TUSC3: variants seen among roughly 807,000 people sequenced by gnomAD.
The protein encoded by TUSC3 is tumor suppressor candidate 3.
Under a neutral mutation model 44.8 loss-of-function variants are expected in TUSC3, and 45 were observed. The ratio of observed to expected loss-of-function variants is 1.00; its 90% CI spans 0.79 to 1.29. The LOEUF (loss-of-function observed/expected upper bound fraction) is 1.29. Ranked by LOEUF, TUSC3 falls within the 50% of genes most tolerant of loss-of-function variation. The pLI is 0.00. For missense variants in TUSC3, 519 were observed against 437.9 expected, an observed-to-expected ratio of 1.19 and a Z score of -1.65; for synonymous variants, 212 against 152.9, an observed-to-expected ratio of 1.39 and a Z score of -2.85.
chr8:15,780,792 G>A, the TUSC3 span, among the ~76,000 whole-genome samples: 1 of 152,116 alleles, frequency 6.6e-6, no homozygotes, highest in East Asian at 1.9e-4. Flanking sequence ...CCACCTGAGG[G>A]GCTAGCTGCA....
intron 1 of TUSC3, among the ~76,000 whole-genome samples, chr8:15,552,457 T>G (rs1011998067): frequency 6.6e-6 from 1 of 151,592 alleles, no homozygotes; most frequent in Admixed American, 6.6e-5. Flanking sequence ...ATATAAGAAG[T>G]CAATAAACTG....
Position 15,540,420 on chromosome 8 carries a change from G to A in TUSC3, c.-11G>A, listed in dbSNP as rs759469269. The A allele has an allele frequency of 8.9e-6, 14 of 1,575,566 alleles. No individual in the cohort carries two copies. Among genetic ancestry groups the A allele is most frequent in the Middle Eastern group, 1.9e-4 (1 of 5,214 alleles). Reference sequence around the variant, plus strand: ...GGCTACCGCGCGTGGAGGAGACACTGCCCTGCCGCGATGGGGGCCCGGGGC... The same window carrying A: ...GGCTACCGCGCGTGGAGGAGACACTACCCTGCCGCGATGGGGGCCCGGGGC... On this transcript the variant is annotated 5_prime_UTR_variant, in exon 1 of 11. Transcript: ENST00000503731.
the TUSC3 span, among the ~76,000 whole-genome samples, chr8:15,824,362 T>C: frequency 2.6e-5 from 4 of 152,158 alleles, no homozygotes; most frequent in South Asian, 2.1e-4. Flanking sequence ...TGGCAAGGTA[T>C]GAATATCAAC....
chr8:15,605,787 T>G (rs1250417921), intron 1 of TUSC3, among the ~76,000 whole-genome samples: 1 of 151,962 alleles, frequency 6.6e-6, no homozygotes, highest in Non-Finnish European at 1.5e-5. Context: ...TTGAGGGAAA[T>G]GTAAACAAAC....
intron 6 of TUSC3, among the ~76,000 whole-genome samples, chr8:15,699,735 T>A (rs1563179856): frequency 6.6e-6 from 1 of 152,174 alleles, no homozygotes; most frequent in Non-Finnish European, 1.5e-5. Context: ...TTAGTGCCCT[T>A]TACAAAGAGT....
intron 1 of TUSC3, among the ~76,000 whole-genome samples, chr8:15,462,582 G>A (rs1273817185): frequency 6.6e-6 from 1 of 152,026 alleles, no homozygotes; most frequent in Non-Finnish European, 1.5e-5. Context: ...CTGCCTTAAA[G>A]TGCACTATTT....
chr8:15,434,756 G>T (rs1255835504), intron 1 of TUSC3, among the ~76,000 whole-genome samples: 1 of 151,622 alleles, frequency 6.6e-6, no homozygotes, highest in Middle Eastern at 3.4e-3. Flanking sequence ...TCATTGTTCA[G>T]TTCCCACCTG....
At chr8:15,594,754 C>A (rs1029658613) in intron 1 of TUSC3, among the ~76,000 whole-genome samples, 1 of 152,154 alleles carries the variant, frequency 6.6e-6, no homozygotes, top group Admixed American at 6.5e-5. Context: ...GTTCGCTGCA[C>A]ACTAGTTATC....
intron 6 of TUSC3, among the ~76,000 whole-genome samples, chr8:15,721,860 T>C (rs942614107): frequency 1.3e-5 from 2 of 152,030 alleles, no homozygotes; most frequent in South Asian, 2.1e-4. Flanking sequence ...TTGGAAAATA[T>C]AGTAGAATGA....
At chr8:15,810,262 A>G in the TUSC3 span, among the ~76,000 whole-genome samples, 1 of 152,168 alleles carries the variant, frequency 6.6e-6, no homozygotes, top group Non-Finnish European at 1.5e-5. Flanking sequence ...TTGTAGCTAA[A>G]GAACCCCTGG....
At chr8:15,834,730 T>C in the TUSC3 span, among the ~76,000 whole-genome samples, 1 of 152,198 alleles carries the variant, frequency 6.6e-6, no homozygotes, top group Non-Finnish European at 1.5e-5. Flanking sequence ...GTTTTTCTGG[T>C]AATTTATTTA....
intron 6 of TUSC3, among the ~76,000 whole-genome samples, chr8:15,718,422 CATTT>C (rs1810148069): frequency 6.6e-6 from 1 of 152,028 alleles, no homozygotes; most frequent in African/African-American, 2.4e-5. Context: ...AGAATATTGA[CATTT>C]ATGTGTACAG....
the TUSC3 span, among the ~76,000 whole-genome samples, chr8:15,802,664 T>C: frequency 7.9e-6 from 1 of 126,254 alleles, no homozygotes; most frequent in African/African-American, 2.5e-5. Flanking sequence ...ACAGGATTAA[T>C]TACTTTTTTT....
At chr8:15,696,466 G>C (rs1215642749) in intron 6 of TUSC3, among the ~76,000 whole-genome samples, 1 of 152,184 alleles carries the variant, frequency 6.6e-6, no homozygotes, top group Non-Finnish European at 1.5e-5. Context: ...ACCTCTGCTA[G>C]AGCACTGTGG....
At chr8:15,678,210 C>T (rs1160146623) in intron 6 of TUSC3, among the ~76,000 whole-genome samples, 1 of 152,102 alleles carries the variant, frequency 6.6e-6, no homozygotes, top group Non-Finnish European at 1.5e-5. Context: ...GAGTGCTGTT[C>T]TCTTGGCAAA....
rs1812324752 is a variant in TUSC3, at chr8:15,766,320, T to C, written c.*2164T>C. On this transcript the variant is annotated 3_prime_UTR_variant, in exon 11 of 11. Transcript: ENST00000503731. ...TGCAAAGAGTGGCTCAAACATATAG[T>C]TTGCTTGCAGAATGTAACGTGCAAA... The C allele has an allele frequency of 6.6e-6, 1 of 152,062 alleles. No homozygotes were observed. Among genetic ancestry groups the C allele is most frequent in the Non-Finnish European group, 1.5e-5 (1 of 67,984 alleles). The allele number at this position is 152,062 out of a possible 1,614,324, so 9.4% of individuals were successfully genotyped here.
chr8:15,847,242 C>A, the TUSC3 span, among the ~76,000 whole-genome samples: 149 of 152,182 alleles, frequency 9.8e-4, 4 homozygotes, highest in Admixed American at 9.1e-3. Context: ...GAAGAAAGAA[C>A]AGGGAAGAGA....
chr8:15,435,603 C>G (rs1425486778), intron 1 of TUSC3, among the ~76,000 whole-genome samples: 2 of 152,074 alleles, frequency 1.3e-5, no homozygotes, highest in Non-Finnish European at 2.9e-5. Context: ...TTTAGAGGTA[C>G]CTGGTGCCTA....
At chr8:15,524,686 G>A (rs117697184) in intron 2 of TUSC3, among the ~76,000 whole-genome samples, 64 of 152,248 alleles carry the variant, frequency 4.2e-4, no homozygotes, top group Admixed American at 7.9e-4. Flanking sequence ...ACCCAATGGA[G>A]AACCTATTTT....
Sources: allele counts gnomAD v4.1 joint callset (sites outside exome capture counted in the v4.1 genomes callset), GRCh38; gene constraint gnomAD v4.1.1; transcripts MANE v1.5; gene names NCBI Gene and HGNC (gene_info 2026-07-23, HGNC 2026-07-21).